ZNF536: variants seen among roughly 807,000 people sequenced by gnomAD.
ZNF536 encodes the protein zinc finger protein 536.
ZNF536 carries 13 observed loss-of-function variants against 84.5 expected under a neutral mutation model. That is an observed-to-expected ratio of 0.15 (90% CI 0.10 to 0.24). ZNF536 has a LOEUF of 0.24. Among genes scored for constraint, ZNF536 ranks in the 10% least tolerant of loss-of-function variants. ZNF536 has a pLI of 1.00. For synonymous variants in ZNF536, 811 were observed against 742.5 expected, an observed-to-expected ratio of 1.09 and a Z score of -1.50; for missense variants, 1,536 against 1,747.5, an observed-to-expected ratio of 0.88 and a Z score of 2.16.
At chr19:30,227,926 G>A (rs966703917), upstream of ZNF536, among the ~76,000 whole-genome samples, 60 of 152,134 alleles carry the variant, frequency 3.9e-4, no homozygotes, top group African/African-American at 1.2e-3. Flanking sequence ...CCTGACCAGA[G>A]CACGCGCCGT....
At chr19:30,680,886 C>T (rs1183186206) in intron 1 of ZNF536, among the ~76,000 whole-genome samples, 1 of 152,146 alleles carries the variant, frequency 6.6e-6, no homozygotes, top group Non-Finnish European at 1.5e-5. Context: ...AAAAGTGTTC[C>T]TATTTCTCCA....
At chr19:30,439,556 C>T (rs997504111) in intron 1 of ZNF536, among the ~76,000 whole-genome samples, 2 of 152,182 alleles carry the variant, frequency 1.3e-5, no homozygotes, top group Non-Finnish European at 2.9e-5. Context: ...TGCTCTAAGT[C>T]GAGCAGCAGG....
chr19:30,707,671 A>G (rs1337839723), intron 1 of ZNF536, among the ~76,000 whole-genome samples: 1 of 152,186 alleles, frequency 6.6e-6, no homozygotes, highest in South Asian at 2.1e-4. Context: ...GCCTTGTCTT[A>G]GGGACAACAG....
intron 1 of ZNF536, among the ~76,000 whole-genome samples, chr19:30,401,466 G>A (rs1219904737): frequency 6.6e-6 from 1 of 152,076 alleles, no homozygotes; most frequent in Non-Finnish European, 1.5e-5. Context: ...ACCCCAGTGG[G>A]GTTTGCTCTG....
At chr19:30,369,404 C>T (rs1477626918), upstream of ZNF536, among the ~76,000 whole-genome samples, 1 of 152,170 alleles carries the variant, frequency 6.6e-6, no homozygotes. Context: ...AGAATGGTAG[C>T]ACAGGGCTCG....
chr19:30,569,559 CTTTTT>C (rs34995610), intron 1 of ZNF536, among the ~76,000 whole-genome samples: 48 of 55,084 alleles, frequency 8.7e-4, no homozygotes, highest in African/African-American at 1.3e-3. Context: ...GATAAACGTT[CTTTTT>C]TTTTTTTTTT....
intron 1 of ZNF536, among the ~76,000 whole-genome samples, chr19:30,590,498 G>A (rs1318163046): frequency 6.6e-6 from 1 of 152,210 alleles, no homozygotes; most frequent in Non-Finnish European, 1.5e-5. Flanking sequence ...TTTGGGGAAA[G>A]CAAGAGCTTC....
At position 30,445,274 on chromosome 19, in the gene ZNF536, C is replaced by G. The variant is rs2148218073; in HGVS notation, c.1712C>G (p.Ala571Gly). 2 of 1,614,150 alleles carry G rather than the reference C, an allele frequency of 1.2e-6. No homozygotes were observed. Among genetic ancestry groups the G allele is most frequent in the South Asian group, 1.1e-5 (1 of 91,084 alleles). ...KEKREYVLVGADGSKQKMPAD... is the reference protein window; with the variant it reads ...KEKREYVLVGGDGSKQKMPAD... The stretch of plus-strand genomic sequence containing the variant: ...AAGCGGGAGTACGTGTTAGTGGGAG[C>G]AGATGGCTCCAAGCAGAAAATGCCT... Residue 571 changes from alanine (A) to glycine (G), a missense_variant, in exon 2 of 5, where the codon GCA becomes GGA. Ala to Gly is a moderately conservative substitution (Grantham distance 60). This residue lies in a region of ZNF536 where 366 missense variants were observed against 364.4 expected (regional missense o/e 1.00). Transcript: ENST00000355537. This position sits in a 1 kb window ranked among gnomAD's most constrained non-coding sequence, Gnocchi z 4.5.
In ZNF536 at chr19:30,664,202, TTTTCTCTC is replaced by T. The variant is rs1158371824; in HGVS notation, c.170-46553_170-46546del. ...GCTATCTAGAGGAATTCTTGCTGAG[TTTTCTCTC>T]TCTCTCTCTCTCTCTCTCTCTCTCT... On this transcript the variant is annotated intron_variant, in intron 1 of 1. Transcript: ENST00000592773. Among the ~76,000 whole-genome samples, 15 of 118,508 alleles carry T rather than the reference TTTTCTCTC, an allele frequency of 1.3e-4. 1 individual carries two copies. Among genetic ancestry groups the T allele is most frequent in the African/African-American group, 3.8e-4 (13 of 34,380 alleles). The allele number at this position is 118,508 out of a possible 152,430, so 77.7% of individuals were successfully genotyped here. A position where few individuals can be genotyped will look rare whatever the true frequency, so the allele number is the denominator to read the frequency against.
chr19:30,662,948 T>C (rs1035070284), intron 1 of ZNF536, among the ~76,000 whole-genome samples: 8 of 151,430 alleles, frequency 5.3e-5, no homozygotes, highest in Admixed American at 2.6e-4. Flanking sequence ...TTTCTTTCTT[T>C]TTCTTTTTCG....
intron 1 of ZNF536, among the ~76,000 whole-genome samples, chr19:30,636,590 G>C (rs998446872): frequency 6.6e-6 from 1 of 152,110 alleles, no homozygotes; most frequent in Admixed American, 6.5e-5. Context: ...CCCATTTTGC[G>C]ATGTTGGATT....
upstream of ZNF536, among the ~76,000 whole-genome samples, chr19:30,372,118 T>G (rs2048631877): frequency 6.6e-6 from 1 of 152,222 alleles, no homozygotes; most frequent in Non-Finnish European, 1.5e-5. Context: ...TCTTCCCATT[T>G]CAGAGCTGAC....
Position 30,324,653 on chromosome 19 carries a change from A to G in ZNF536, c.-119-27715A>G, listed in dbSNP as rs142206786. On this transcript the variant is annotated intron_variant, in intron 2 of 5. Transcript: ENST00000585628. ...GTAATCCTCTTACCTTGGTCTCCCA[A>G]AGTGTTGGGATTACAGGCATGAGCC... 2.5e-3 allele frequency among the ~76,000 whole-genome samples: 378 copies of G among 152,300 alleles called. 1 individual carries two copies. Among genetic ancestry groups the G allele is most frequent in the African/African-American group, 8.4e-3 (350 of 41,554 alleles).
At chr19:30,249,773 C>T (rs2024501356) in intron 1 of ZNF536, among the ~76,000 whole-genome samples, 1 of 152,192 alleles carries the variant, frequency 6.6e-6, no homozygotes. Context: ...TGTGGCCAAG[C>T]TATTGCCTTT....
At chr19:30,672,517 T>G (rs950764559) in intron 1 of ZNF536, among the ~76,000 whole-genome samples, 1 of 152,160 alleles carries the variant, frequency 6.6e-6, no homozygotes, top group African/African-American at 2.4e-5. Context: ...GCAAACAAGG[T>G]CAAATCTGAA....
At chr19:30,691,802 G>A (rs1344683980) in intron 1 of ZNF536, among the ~76,000 whole-genome samples, 1 of 152,240 alleles carries the variant, frequency 6.6e-6, no homozygotes, top group Non-Finnish European at 1.5e-5. Context: ...CGAGGCAGAT[G>A]TGTTTGCAGA....
chr19:30,225,626 T>A (rs1324947731), upstream of ZNF536, among the ~76,000 whole-genome samples: 1 of 151,158 alleles, frequency 6.6e-6, no homozygotes, highest in Non-Finnish European at 1.5e-5. Flanking sequence ...ACGCTCCGTT[T>A]ACGTGCCCGA....
intron 2 of ZNF536, among the ~76,000 whole-genome samples, chr19:30,530,651 C>G (rs956495287): frequency 6.6e-6 from 1 of 152,106 alleles, no homozygotes; most frequent in East Asian, 1.9e-4. Flanking sequence ...CCAGCCAATA[C>G]CTCTGTCTTT....
At chr19:30,280,754 G>A (rs368076932) in intron 1 of ZNF536, among the ~76,000 whole-genome samples, 43 of 152,326 alleles carry the variant, frequency 2.8e-4, no homozygotes, top group African/African-American at 7.9e-4. Flanking sequence ...GGTCTGAGTC[G>A]GGCAGGCTGG....
Sources: gnomAD v4.1 joint callset for allele counts (sites outside exome capture counted in the v4.1 genomes callset) on GRCh38, gnomAD v4.1.1 for gene constraint, gnomAD v4.1.1 regional missense constraint, Gnocchi (gnomAD v3.1) non-coding constraint, MANE v1.5 for transcripts, NCBI Gene and HGNC (gene_info 2026-07-23, HGNC 2026-07-21) for gene names.